Variants in RUNDC3B observed in about 807,000 individuals in gnomAD.
RUNDC3B encodes the protein RUN domain containing 3B, also known as RUN domain-containing protein 3B.
RUNDC3B carries 33 observed loss-of-function variants against 58.4 expected under a neutral mutation model. The observed-to-expected ratio is 0.56, with a 90% CI of 0.43 to 0.75. RUNDC3B has a LOEUF of 0.75. Among genes scored for constraint, RUNDC3B ranks in the 30% least tolerant of loss-of-function variants. RUNDC3B has a pLI of 0.00. For missense variants in RUNDC3B, 501 were observed against 535.7 expected (o/e 0.94, Z 0.64); for synonymous variants, 193 against 195.2 (o/e 0.99, Z 0.10).
chr7:87,744,747 G>A (rs1832544315), intron 6 of RUNDC3B, among the ~76,000 whole-genome samples: 2 of 152,160 alleles, frequency 1.3e-5, no homozygotes, highest in Admixed American at 6.5e-5. Flanking sequence ...CAAGGTAAAC[G>A]ATCATATCAT....
chr7:87,780,068 A>G (rs1328127300), intron 8 of RUNDC3B, among the ~76,000 whole-genome samples: 2 of 152,108 alleles, frequency 1.3e-5, no homozygotes, highest in Admixed American at 6.6e-5. Flanking sequence ...TGACTTTGCT[A>G]TTGTCAATAG....
intron 2 of RUNDC3B, among the ~76,000 whole-genome samples, chr7:87,668,749 A>G (rs568807098): frequency 6.6e-6 from 1 of 152,188 alleles, no homozygotes; most frequent in Admixed American, 6.5e-5. Context: ...AAGCCACTCA[A>G]GAGCATGATG....
intron 1 of RUNDC3B, among the ~76,000 whole-genome samples, chr7:87,642,902 T>C (rs1477274024): frequency 1.3e-5 from 2 of 152,134 alleles, no homozygotes; most frequent in Non-Finnish European, 2.9e-5. Flanking sequence ...CACATCTGTC[T>C]CTTTATTTAA....
At chr7:87,695,905 G>C (rs1828455593) in intron 2 of RUNDC3B, among the ~76,000 whole-genome samples, 1 of 151,998 alleles carries the variant, frequency 6.6e-6, no homozygotes, top group Admixed American at 6.6e-5. Context: ...AGTAACATTG[G>C]ACCCTAGAGA....
chr7:87,719,710 A>G (rs1431140255), intron 4 of RUNDC3B, among the ~76,000 whole-genome samples: 2 of 151,890 alleles, frequency 1.3e-5, no homozygotes, highest in Non-Finnish European at 2.9e-5. Flanking sequence ...TAGAATCTTA[A>G]AACACTGAGG....
intron 10 of RUNDC3B, among the ~76,000 whole-genome samples, chr7:87,819,664 G>T (rs1213238964): frequency 6.6e-6 from 1 of 152,104 alleles, no homozygotes; most frequent in African/African-American, 2.4e-5. Flanking sequence ...AAATGTAAAA[G>T]AACAGAAACT....
At chr7:87,816,982 T>G (rs1314757745) in intron 10 of RUNDC3B, among the ~76,000 whole-genome samples, 1 of 152,252 alleles carries the variant, frequency 6.6e-6, no homozygotes, top group Admixed American at 6.5e-5. Flanking sequence ...TTCACTGGTA[T>G]GATCTGGTTC....
intron 9 of RUNDC3B, among the ~76,000 whole-genome samples, chr7:87,811,307 C>T (rs1370987492): frequency 1.3e-5 from 2 of 151,658 alleles, no homozygotes; most frequent in Non-Finnish European, 2.9e-5. Flanking sequence ...TGAGCTCTTA[C>T]ATGCTTTCAT....
chr7:87,815,610 C>T (rs1163337435), intron 9 of RUNDC3B, among the ~76,000 whole-genome samples: 2 of 151,900 alleles, frequency 1.3e-5, no homozygotes, highest in African/African-American at 4.8e-5. Flanking sequence ...TATATTAATA[C>T]AAACAGGTAT....
intron 6 of RUNDC3B, among the ~76,000 whole-genome samples, chr7:87,743,913 CA>C (rs1832497462): frequency 6.6e-6 from 1 of 152,100 alleles, no homozygotes; most frequent in South Asian, 2.1e-4. Flanking sequence ...AGGGTTTTTC[CA>C]AAGTTATCTT....
At chr7:87,733,374 A>G (rs1224257192) in intron 4 of RUNDC3B, among the ~76,000 whole-genome samples, 1 of 152,220 alleles carries the variant, frequency 6.6e-6, no homozygotes, top group East Asian at 1.9e-4. Flanking sequence ...AATTAGGAGC[A>G]TTTCATCTTT....
chr7:87,760,110 C>T (rs1833594827), intron 6 of RUNDC3B, among the ~76,000 whole-genome samples: 1 of 150,792 alleles, frequency 6.6e-6, no homozygotes. Context: ...CCTATTCACA[C>T]TTACTGATTC....
At chr7:87,643,484 G>T (rs1219315115) in intron 1 of RUNDC3B, among the ~76,000 whole-genome samples, 2 of 152,108 alleles carry the variant, frequency 1.3e-5, no homozygotes, top group East Asian at 1.9e-4. Context: ...TATTAGAAAA[G>T]AAAGAGGAAA....
At chr7:87,755,029 T>C (rs906814651) in intron 6 of RUNDC3B, among the ~76,000 whole-genome samples, 1 of 147,396 alleles carries the variant, frequency 6.8e-6, no homozygotes, top group Non-Finnish European at 1.5e-5. Context: ...TACAATTTCT[T>C]TTTTTTTTTT....
intron 7 of RUNDC3B, among the ~76,000 whole-genome samples, chr7:87,775,923 C>T (rs1408491837): frequency 6.6e-6 from 1 of 152,126 alleles, no homozygotes; most frequent in Non-Finnish European, 1.5e-5. Context: ...ACACATTTCT[C>T]AGAACATATC....
In RUNDC3B at chr7:87,710,577, C is replaced by T. The variant is rs773095108; in HGVS notation, c.380C>T (p.Ala127Val). The T allele has an allele frequency of 3.8e-6, 6 of 1,573,674 alleles. No homozygotes were observed. In the East Asian group the frequency reaches 9.1e-5, roughly 24 times the overall value. Reference sequence around the variant, plus strand: ...CTTTCTTCTTCCTTTTAGGGTAGAGCCTGGATCAGAGTAGCACTCATGGAA... The same window carrying T: ...CTTTCTTCTTCCTTTTAGGGTAGAGTCTGGATCAGAGTAGCACTCATGGAA... The part of the protein sequence containing the change: ...NVSSSRAKGR[A>V]WIRVALMEKH... Residue 127 changes from alanine to valine, a missense_variant, in exon 4 of 11, where the codon GCC becomes GTC. Ala to Val is a moderately conservative substitution (Grantham distance 64). Transcript: ENST00000394654.
At chr7:87,793,051 A>G (rs1584223508) in intron 8 of RUNDC3B, among the ~76,000 whole-genome samples, 1 of 152,118 alleles carries the variant, frequency 6.6e-6, no homozygotes, top group Non-Finnish European at 1.5e-5. Context: ...AAGGATCATT[A>G]GTGGCTACTA....
Position 87,770,661 on chromosome 7 carries a change from T to C in RUNDC3B, c.710T>C (p.Val237Ala). The C allele has an allele frequency of 6.2e-7, 1 of 1,613,470 alleles. No homozygotes were observed. The highest frequency in any genetic ancestry group is 8.5e-7 in the Non-Finnish European group (1 of 1,179,452). Residue 237 changes from valine to alanine, a missense_variant, in exon 7 of 11, where the codon GTC becomes GCC. Coordinates refer to ENST00000394654, the MANE Select transcript of RUNDC3B (RefSeq NM_001134405.2). ...AGCGAAAGCAGTACTCCAGAGAATG[T>C]CGGACCTCCTTTCCTCATGGATGAG... ...SGSESSTPEN[V>A]GPPFLMDENS...
At chr7:87,749,224 C>T (rs1457137921) in intron 6 of RUNDC3B, among the ~76,000 whole-genome samples, 1 of 152,156 alleles carries the variant, frequency 6.6e-6, no homozygotes, top group Non-Finnish European at 1.5e-5. Context: ...ATTTTCCTCT[C>T]CTACTTACAT....
Sources: allele counts gnomAD v4.1 joint callset (sites outside exome capture counted in the v4.1 genomes callset), GRCh38; gene constraint gnomAD v4.1.1; transcripts MANE v1.5; gene names NCBI Gene and HGNC (gene_info 2026-07-23, HGNC 2026-07-21).